Variants in PCCA observed in about 807,000 individuals in gnomAD.
The protein encoded by PCCA is propionyl-CoA carboxylase alpha chain, mitochondrial.
In PCCA, 74 loss-of-function variants were observed where a neutral mutation model predicts 101.3. That is an observed-to-expected ratio of 0.73 (90% CI 0.61 to 0.89). The LOEUF (loss-of-function observed/expected upper bound fraction) is 0.89. Ranked by LOEUF, PCCA falls within the 40% of genes least tolerant of loss-of-function variation. The pLI, the probability that PCCA is intolerant of heterozygous loss-of-function variation, is 0.00. For synonymous variants in PCCA, 294 were observed against 313.6 expected (o/e 0.94, Z 0.66); for missense variants, 891 against 907.0 (o/e 0.98, Z 0.23).
At chr13:100,314,606 A>G (rs2067185576) in intron 16 of PCCA, among the ~76,000 whole-genome samples, 1 of 152,232 alleles carries the variant, frequency 6.6e-6, no homozygotes, top group South Asian at 2.1e-4. Context: ...ATAACAGAAG[A>G]CATTCCTCTC....
Position 100,453,994 on chromosome 13 carries a change from C to T in PCCA, c.1899+4689C>T, listed in dbSNP as rs1056758596. 2.0e-5 allele frequency among the ~76,000 whole-genome samples: 3 copies of T among 152,212 alleles called. No homozygotes were observed. In the East Asian group the frequency reaches 5.8e-4, roughly 29 times the overall value. On this transcript the variant is annotated intron_variant, in intron 21 of 23. Coordinates refer to ENST00000376285, the MANE Select transcript of PCCA (RefSeq NM_000282.4). ...CAGGCCATTCTCCTGCCTCAGCCTC[C>T]TGAGTAGCTGGGACTACTGGTGCCG...
chr13:100,529,947 C>T (rs532024424), intron 23 of PCCA, 151 bp from the exon 24 acceptor site: 21 of 685,310 alleles, frequency 3.1e-5, no homozygotes, highest in South Asian at 7.7e-5. Context: ...AGGGTCCCTT[C>T]GATGGGCTCC....
rs544989813 is a variant in PCCA at position 100,265,132 on chromosome 13, C to T, written c.819+2301C>T. Among the ~76,000 whole-genome samples, 4 of 152,270 alleles carry T rather than the reference C, an allele frequency of 2.6e-5. 1 individual carries two copies. The highest frequency in any genetic ancestry group is 4.1e-4 in the South Asian group (2 of 4,826). ...TATAGTGTATCCTTCTCCCTTCATGCGGCTTGCCTGTTCACTTTGATAATA... is the reference window on the plus strand; with the variant it reads ...TATAGTGTATCCTTCTCCCTTCATGTGGCTTGCCTGTTCACTTTGATAATA... On this transcript the variant is annotated intron_variant, in intron 10 of 23. Transcript: ENST00000376285.
intron 22 of PCCA, among the ~76,000 whole-genome samples, chr13:100,526,407 A>G (rs746561668): frequency 1.3e-5 from 2 of 152,194 alleles, no homozygotes; most frequent in Non-Finnish European, 2.9e-5. Context: ...CTCTTCCTAT[A>G]TTTCTATGCC....
intron 4 of PCCA, among the ~76,000 whole-genome samples, chr13:100,153,996 C>T (rs1424191217): frequency 6.6e-6 from 1 of 151,800 alleles, no homozygotes; most frequent in Non-Finnish European, 1.5e-5. Flanking sequence ...AAAATTATTT[C>T]ATAACTGAAG....
chr13:100,165,054 T>C (rs1270077394), intron 6 of PCCA, among the ~76,000 whole-genome samples: 1 of 152,222 alleles, frequency 6.6e-6, no homozygotes, highest in Non-Finnish European at 1.5e-5. Context: ...TATACCATAT[T>C]TTGTTTCTTC....
chr13:100,291,314 G>A (rs1303523633), intron 12 of PCCA, among the ~76,000 whole-genome samples: 2 of 152,148 alleles, frequency 1.3e-5, no homozygotes, highest in Non-Finnish European at 2.9e-5. Flanking sequence ...ATATGCATAG[G>A]TTACATGCAA....
intron 12 of PCCA, among the ~76,000 whole-genome samples, chr13:100,280,498 A>G (rs536577279): frequency 6.6e-5 from 10 of 152,110 alleles, no homozygotes; most frequent in African/African-American, 1.7e-4. Context: ...ACACTGAGCT[A>G]TGTATCTACC....
chr13:100,485,979 A>C (rs189036412), intron 21 of PCCA, among the ~76,000 whole-genome samples: 132 of 152,316 alleles, frequency 8.7e-4, no homozygotes, highest in Non-Finnish European at 1.6e-3. Flanking sequence ...CCGTTAGTCT[A>C]CCTGAGCTCC....
intron 20 of PCCA, among the ~76,000 whole-genome samples, chr13:100,427,943 T>C (rs766860908): frequency 6.6e-5 from 10 of 152,206 alleles, no homozygotes; most frequent in Non-Finnish European, 7.3e-5. Flanking sequence ...TGAACTTCTT[T>C]GATCTTCACA....
intron 13 of PCCA, among the ~76,000 whole-genome samples, chr13:100,302,126 CTTAATT>C (rs963545967): frequency 6.6e-6 from 1 of 152,064 alleles, no homozygotes; most frequent in South Asian, 2.1e-4. Context: ...AACATGTACT[CTTAATT>C]TATAATTTTA....
chr13:100,496,586 T>G (rs1383180548), intron 21 of PCCA, among the ~76,000 whole-genome samples: 3 of 152,214 alleles, frequency 2.0e-5, no homozygotes, highest in South Asian at 2.1e-4. Flanking sequence ...GGCATCACTT[T>G]GATCATTTGG....
chr13:100,330,907 T>C (rs1007616078), intron 17 of PCCA, among the ~76,000 whole-genome samples: 3 of 152,176 alleles, frequency 2.0e-5, no homozygotes, highest in Non-Finnish European at 4.4e-5. Flanking sequence ...GTTCTATGAG[T>C]CCAGTGTTTT....
chr13:100,454,228 T>C (rs1189224111), intron 21 of PCCA, among the ~76,000 whole-genome samples: 1 of 152,106 alleles, frequency 6.6e-6, no homozygotes, highest in Non-Finnish European at 1.5e-5. Context: ...TAATAAATCA[T>C]AGATTCCTTG....
chr13:100,367,039 A>AT (rs1459263316), intron 18 of PCCA, among the ~76,000 whole-genome samples: 1 of 152,162 alleles, frequency 6.6e-6, no homozygotes, highest in African/African-American at 2.4e-5. Context: ...AACTTGGAAC[A>AT]TTTTTTCAGA....
chr13:100,308,803 G>C lies in PCCA; in HGVS notation c.1354-1030G>C, dbSNP rs145822793. On this transcript the variant is annotated intron_variant, in intron 15 of 23. Coordinates refer to ENST00000376285, the MANE Select transcript of PCCA (RefSeq NM_000282.4). Reference sequence around the variant, plus strand: ...TACAAATTAATTTTCAAATTTGCTTGATATTGAAGAGCTAGTAAAACCTAC... The same window carrying C: ...TACAAATTAATTTTCAAATTTGCTTCATATTGAAGAGCTAGTAAAACCTAC... Among the ~76,000 whole-genome samples, 75 of 152,188 alleles carry C rather than the reference G, an allele frequency of 4.9e-4. 1 individual carries two copies. The East Asian group carries it at 0.014, about 29-fold the overall frequency.
intron 6 of PCCA, among the ~76,000 whole-genome samples, chr13:100,171,687 A>G (rs1038175825): frequency 6.6e-5 from 10 of 152,146 alleles, no homozygotes; most frequent in Non-Finnish European, 2.9e-5. Context: ...CCAGGAGTTC[A>G]AGACCAGCCT....
chr13:100,135,946 T>C (rs2051108857), intron 4 of PCCA, among the ~76,000 whole-genome samples: 1 of 152,162 alleles, frequency 6.6e-6, no homozygotes, highest in Admixed American at 6.5e-5. Flanking sequence ...TATTTTACGC[T>C]GAGCGATTGA....
At chr13:100,275,148 G>A (rs966352806) in intron 12 of PCCA, among the ~76,000 whole-genome samples, 43 of 152,250 alleles carry the variant, frequency 2.8e-4, no homozygotes, top group African/African-American at 9.4e-4. Context: ...CCAAGGGGCC[G>A]CTTGTGGGAT....
Sources: gnomAD v4.1 joint callset for allele counts (sites outside exome capture counted in the v4.1 genomes callset) on GRCh38, gnomAD v4.1.1 for gene constraint, MANE v1.5 for transcripts, NCBI Gene and HGNC (gene_info 2026-07-23, HGNC 2026-07-21) for gene names.